DST: variants seen among roughly 807,000 people sequenced by gnomAD.
DST encodes the protein dystonin.
A neutral mutation model predicts 875.2 loss-of-function variants in DST; 253 were observed. The observed-to-expected ratio is 0.29, with a 90% CI of 0.26 to 0.32. The LOEUF (loss-of-function observed/expected upper bound fraction) is 0.32, where lower values mean the gene tolerates loss of function less well. Among genes scored for constraint, DST ranks in the 10% least tolerant of loss-of-function variants. DST has a pLI of 1.00. For missense variants in DST, 8,287 were observed against 9,111.6 expected (o/e 0.91, Z 3.68); for synonymous variants, 3,124 against 3,197.1 (o/e 0.98, Z 0.77).
At chr6:56,578,960 A>G (rs928005025) in intron 49 of DST, 23 bp from the exon 50 acceptor site, 1 of 1,559,248 alleles carries the variant, frequency 6.4e-7, no homozygotes. Flanking sequence ...ACGCTTTTCA[A>G]TTATACTCAG....
chr6:56,668,759 A>C (rs2099084756), intron 10 of DST, among the ~76,000 whole-genome samples: 1 of 151,862 alleles, frequency 6.6e-6, no homozygotes, highest in South Asian at 2.1e-4. Flanking sequence ...CAAGAACAAA[A>C]TTCCGTCTCA....
chr6:56,852,831 C>T (rs576789404), intron 3 of DST, among the ~76,000 whole-genome samples: 3 of 152,310 alleles, frequency 2.0e-5, no homozygotes, highest in East Asian at 1.9e-4. Flanking sequence ...ATCAGTGAGG[C>T]ATGCTCCAAT....
intron 35 of DST, among the ~76,000 whole-genome samples, chr6:56,624,925 T>C (rs919562391): frequency 6.6e-6 from 1 of 152,134 alleles, no homozygotes; most frequent in South Asian, 2.1e-4. Flanking sequence ...TAGAATGTAT[T>C]GTTCTGGGTG....
chr6:56,790,819 T>C (rs2099720414), intron 4 of DST, among the ~76,000 whole-genome samples: 1 of 152,232 alleles, frequency 6.6e-6, no homozygotes, highest in Admixed American at 6.5e-5. Context: ...CCAGTGATTA[T>C]ACTGACCAAA....
intron 3 of DST, among the ~76,000 whole-genome samples, chr6:56,857,946 G>A (rs1768833242): frequency 6.6e-6 from 1 of 152,150 alleles, no homozygotes; most frequent in African/African-American, 2.4e-5. Flanking sequence ...AATGAGATAT[G>A]GTAAATTTGG....
chr6:56,509,573 G>A, intron 74 of DST, 69 bp downstream of exon 74: 1 of 1,192,966 alleles, frequency 8.4e-7, no homozygotes. Flanking sequence ...TTATCCAATT[G>A]GACGGTGAGT....
At chr6:56,909,055 A>G (rs1048226010) in intron 2 of DST, among the ~76,000 whole-genome samples, 49 of 152,004 alleles carry the variant, frequency 3.2e-4, no homozygotes, top group Non-Finnish European at 1.3e-4. Flanking sequence ...CTATGGACTC[A>G]CCCTGAATTC....
intron 4 of DST, among the ~76,000 whole-genome samples, chr6:56,842,017 AAG>A (rs2099800660): frequency 6.6e-6 from 1 of 152,230 alleles, no homozygotes; most frequent in Non-Finnish European, 1.5e-5. Flanking sequence ...ATATCCTACA[AAG>A]AGAGAAAACA....
chr6:56,542,455 A>AT (rs1491548062), intron 61 of DST: 3 of 119,004 alleles, frequency 2.5e-5, no homozygotes, highest in South Asian at 2.8e-4. Context: ...AAAAAAAAAA[A>AT]GCCATTTCCA....
chr6:56,840,335 C>T (rs1257017733), intron 4 of DST, among the ~76,000 whole-genome samples: 2 of 152,114 alleles, frequency 1.3e-5, no homozygotes, highest in Non-Finnish European at 2.9e-5. Context: ...ACGGTATATA[C>T]ACTGGATAAT....
At chr6:56,548,709 G>A (rs1474972412) in intron 61 of DST, among the ~76,000 whole-genome samples, 6 of 152,056 alleles carry the variant, frequency 3.9e-5, no homozygotes, top group African/African-American at 1.2e-4. Flanking sequence ...GAATTTAACC[G>A]TAATCATAAA....
At chr6:56,641,219 G>A (rs1179170723) in intron 17 of DST, among the ~76,000 whole-genome samples, 7 of 150,922 alleles carry the variant, frequency 4.6e-5, no homozygotes, top group Non-Finnish European at 7.4e-5. Flanking sequence ...TTTTATACAC[G>A]TATTTTCTTT....
At chr6:56,497,125 T>C (rs1234974709) in intron 82 of DST, among the ~76,000 whole-genome samples, 1 of 151,808 alleles carries the variant, frequency 6.6e-6, no homozygotes, top group Non-Finnish European at 1.5e-5. Context: ...GTAACTAACC[T>C]GCACATTGTG....
At chr6:56,948,126 C>T (rs140679083) in intron 2 of DST, among the ~76,000 whole-genome samples, 1,797 of 152,310 alleles carry the variant, frequency 0.012, 23 homozygotes, top group South Asian at 0.053. Flanking sequence ...TAAAGTGTGA[C>T]AGCAAAACTA....
chr6:56,813,765 G>A (rs140791714), intron 4 of DST, among the ~76,000 whole-genome samples: 27 of 152,170 alleles, frequency 1.8e-4, no homozygotes, highest in African/African-American at 6.5e-4. Flanking sequence ...TTTTGTGGTT[G>A]CTCCTTAATA....
chr6:56,527,605 G>A lies in DST; in HGVS notation c.17810C>T (p.Ser5937Phe), dbSNP rs773292051. ...QALQLARRLHSTHEELCTWLD... is the reference protein window; with the variant it reads ...QALQLARRLHFTHEELCTWLD... ...CCAGGTACACAGCTCTTCGTGTGTGGAGTGCAGCCGCCTTGCAAGCTGCAG... is the reference window on the plus strand; with the variant it reads ...CCAGGTACACAGCTCTTCGTGTGTGAAGTGCAGCCGCCTTGCAAGCTGCAG... The change falls in exon 68 of 104, where the codon TCC (serine) becomes TTC (phenylalanine). Residue 5937 changes from serine to phenylalanine, a missense_variant. Coordinates refer to ENST00000680361, the MANE Select transcript of DST (RefSeq NM_001374736.1). 3.1e-6 allele frequency: 5 copies of A among 1,613,800 alleles called. No homozygotes were observed. The South Asian group carries it at 4.4e-5, about 14-fold the overall frequency.
chr6:56,849,739 C>A (rs1285944027), intron 4 of DST, among the ~76,000 whole-genome samples: 1 of 152,198 alleles, frequency 6.6e-6, no homozygotes, highest in Non-Finnish European at 1.5e-5. Flanking sequence ...CTAACAAACA[C>A]CTGCCCTGTC....
intron 5 of DST, among the ~76,000 whole-genome samples, chr6:56,716,910 G>C (rs530445972): frequency 2.0e-5 from 3 of 152,134 alleles, no homozygotes; most frequent in African/African-American, 7.2e-5. Context: ...GACCGGGTGC[G>C]GTGGCTCACG....
chr6:56,753,169 TAGA>T (rs1490499254), intron 4 of DST, among the ~76,000 whole-genome samples: 1 of 152,138 alleles, frequency 6.6e-6, no homozygotes, highest in Non-Finnish European at 1.5e-5. Flanking sequence ...GAGTATAAGG[TAGA>T]AGAAGGCATA....
Sources: allele counts gnomAD v4.1 joint callset (sites outside exome capture counted in the v4.1 genomes callset), GRCh38; gene constraint gnomAD v4.1.1; transcripts MANE v1.5; gene names NCBI Gene and HGNC (gene_info 2026-07-23, HGNC 2026-07-21).